Variants in OCA2 observed in about 807,000 individuals in gnomAD.
OCA2 encodes the protein OCA2 melanosomal transmembrane protein, also known as P protein.
In OCA2, 77 loss-of-function variants were observed where a neutral mutation model predicts 100.2. That is an observed-to-expected ratio of 0.77 (90% CI 0.64 to 0.93). The LOEUF is 0.93. Among genes scored for constraint, OCA2 ranks in the 40% least tolerant of loss-of-function variants. The pLI is 0.00. For missense variants in OCA2, 1,062 were observed against 1,089.1 expected, an observed-to-expected ratio of 0.98 and a Z score of 0.35; for synonymous variants, 432 against 439.2, an observed-to-expected ratio of 0.98 and a Z score of 0.21.
At chr15:27,768,100 C>T (rs1442592332) in intron 23 of OCA2, among the ~76,000 whole-genome samples, 1 of 152,062 alleles carries the variant, frequency 6.6e-6, no homozygotes, top group African/African-American at 2.4e-5. Flanking sequence ...CAGGGAGGGC[C>T]GGCCCAGGAT....
At chr15:28,052,559 T>C (rs926790615) in intron 2 of OCA2, among the ~76,000 whole-genome samples, 8 of 152,106 alleles carry the variant, frequency 5.3e-5, no homozygotes, top group Non-Finnish European at 1.2e-4. Context: ...GGGAAATCAG[T>C]AGAAGCTGGT....
intron 19 of OCA2, among the ~76,000 whole-genome samples, chr15:27,878,154 G>C (rs1176645880): frequency 6.6e-6 from 1 of 151,428 alleles, no homozygotes; most frequent in Non-Finnish European, 1.5e-5. Flanking sequence ...TTCCTCTTAT[G>C]GTATAGTTGT....
chr15:27,920,571 A>G (rs1237700176), intron 19 of OCA2, among the ~76,000 whole-genome samples: 3 of 152,172 alleles, frequency 2.0e-5, no homozygotes, highest in African/African-American at 4.8e-5. Flanking sequence ...ACTATCTGTG[A>G]GGGGAGCCTG....
chr15:27,806,395 G>T (rs2033848998), intron 23 of OCA2, among the ~76,000 whole-genome samples: 1 of 152,242 alleles, frequency 6.6e-6, no homozygotes, highest in Non-Finnish European at 1.5e-5. Context: ...CTTCCTACCG[G>T]AAAGGAACGT....
chr15:27,984,707 C>T (rs761124629), intron 13 of OCA2, among the ~76,000 whole-genome samples: 4 of 152,126 alleles, frequency 2.6e-5, no homozygotes, highest in Non-Finnish European at 4.4e-5. Flanking sequence ...ATTACAGGCA[C>T]GTGCCACCAC....
chr15:28,088,722 G>A (rs1169987122), intron 1 of OCA2, among the ~76,000 whole-genome samples: 1 of 152,180 alleles, frequency 6.6e-6, no homozygotes, highest in Non-Finnish European at 1.5e-5. Context: ...TACATGAATA[G>A]GGTGTGGGTC....
intron 21 of OCA2, among the ~76,000 whole-genome samples, chr15:27,865,842 G>C (rs986949466): frequency 6.6e-6 from 1 of 152,108 alleles, no homozygotes; most frequent in Non-Finnish European, 1.5e-5. Context: ...GCCTGAACTA[G>C]ACCCGCGTTG....
intron 19 of OCA2, among the ~76,000 whole-genome samples, chr15:27,917,556 T>G (rs1322498829): frequency 6.6e-6 from 1 of 152,172 alleles, no homozygotes; most frequent in Non-Finnish European, 1.5e-5. Flanking sequence ...GTGATATTCA[T>G]GGCACATGAG....
intron 14 of OCA2, among the ~76,000 whole-genome samples, chr15:27,976,599 T>C (rs2040974543): frequency 6.6e-6 from 1 of 152,182 alleles, no homozygotes; most frequent in South Asian, 2.1e-4. Flanking sequence ...CCTGGATAAA[T>C]TCTACTTGGT....
chr15:28,095,252 G>A (rs957805716), intron 1 of OCA2, among the ~76,000 whole-genome samples: 4 of 152,266 alleles, frequency 2.6e-5, no homozygotes, highest in Non-Finnish European at 4.4e-5. Context: ...CGGCGGGAGG[G>A]CAGGAGTGGC....
chr15:27,838,346 G>A (rs1188568307), intron 23 of OCA2, among the ~76,000 whole-genome samples: 1 of 152,180 alleles, frequency 6.6e-6, no homozygotes, highest in Non-Finnish European at 1.5e-5. Flanking sequence ...AAATGAAAAT[G>A]TAATCAGGGG....
chr15:27,837,763 C>G (rs1243319723), intron 23 of OCA2, among the ~76,000 whole-genome samples: 1 of 150,848 alleles, frequency 6.6e-6, no homozygotes, highest in Non-Finnish European at 1.5e-5. Context: ...AGCAAACAGG[C>G]AGGCAGGCGT....
intron 21 of OCA2, among the ~76,000 whole-genome samples, chr15:27,866,950 GGC>G (rs2036349331): frequency 1.3e-5 from 2 of 152,226 alleles, no homozygotes; most frequent in Admixed American, 1.3e-4. Flanking sequence ...CTCAAGAGCA[GGC>G]TGACAGAAGT....
intron 19 of OCA2, among the ~76,000 whole-genome samples, chr15:27,878,203 G>C (rs897218624): frequency 6.6e-6 from 1 of 151,784 alleles, no homozygotes; most frequent in African/African-American, 2.4e-5. Flanking sequence ...ACTCCCACCA[G>C]ACAATATTAT....
chr15:27,886,122 T>C (rs931331259), intron 19 of OCA2, among the ~76,000 whole-genome samples: 2 of 152,108 alleles, frequency 1.3e-5, no homozygotes, highest in Non-Finnish European at 1.5e-5. Flanking sequence ...CAAATGCACA[T>C]TCACCTAGCA....
chr15:28,015,946 G>C lies in OCA2; in HGVS notation c.890+158C>G, dbSNP rs79098807. ...CCCATGGCTACGATGTCCTCCCACA[G>C]CCTTTGAGCTCACTGTCTACACAGC... On this transcript the variant is annotated intron_variant, in intron 8 of 23. Coordinates refer to ENST00000354638, the MANE Select transcript of OCA2 (RefSeq NM_000275.3). Among the ~76,000 whole-genome samples, 1,434 of 152,236 alleles carry C rather than the reference G, an allele frequency of 9.4e-3. 29 individuals are homozygous for C. The highest frequency in any genetic ancestry group is 0.029 in the African/African-American group (1,198 of 41,534).
the OCA2 span, among the ~76,000 whole-genome samples, chr15:27,722,727 CTTTCTTT>C: frequency 2.5e-5 from 1 of 39,482 alleles, no homozygotes. Context: ...TCTCTTTCTT[CTTTCTTT>C]CTTTCTTCTT....
intron 2 of OCA2, among the ~76,000 whole-genome samples, chr15:28,046,778 T>C (rs1219610927): frequency 6.6e-6 from 1 of 152,210 alleles, no homozygotes; most frequent in Non-Finnish European, 1.5e-5. Context: ...GAACCGATAT[T>C]GTGATGGAAA....
intron 2 of OCA2, among the ~76,000 whole-genome samples, chr15:28,052,194 G>A (rs76375770): frequency 0.013 from 1,980 of 152,262 alleles, 21 homozygotes; most frequent in Non-Finnish European, 0.02. Flanking sequence ...AAACTCTGCC[G>A]TTGAACTCAA....
Sources: gnomAD v4.1 joint callset for allele counts (sites outside exome capture counted in the v4.1 genomes callset) on GRCh38, gnomAD v4.1.1 for gene constraint, MANE v1.5 for transcripts, NCBI Gene and HGNC (gene_info 2026-07-23, HGNC 2026-07-21) for gene names.